MUC5B: variants seen among roughly 807,000 people sequenced by gnomAD.
The protein encoded by MUC5B is mucin-5B.
MUC5B carries 116 observed loss-of-function variants against 376.9 expected under a neutral mutation model. The observed-to-expected ratio is 0.31, with a 90% CI of 0.26 to 0.36. The LOEUF (loss-of-function observed/expected upper bound fraction) is 0.36. MUC5B is among the 10% of genes least tolerant of loss of function. The pLI is 1.00. For synonymous variants in MUC5B, 3,517 were observed against 3,390.9 expected (o/e 1.04, Z -1.29); for missense variants, 7,165 against 7,769.9 (o/e 0.92, Z 2.93).
At position 1,256,748 on chromosome 11, in the gene MUC5B, T is replaced by A. The variant is rs759193130; in HGVS notation, c.16214T>A (p.Met5405Lys). 4 of 1,544,156 alleles carry A rather than the reference T, an allele frequency of 2.6e-6. No individual in the cohort carries two copies. The highest frequency in any genetic ancestry group is 2.5e-5 in the East Asian group (1 of 40,438). ...PEDQILFNAH[M>K]GICVQACPCV... ...GACCAGATCCTCTTCAACGCACACA[T>A]GGGCATCTGCGTGCAGGCCTGCCGT... The change falls in exon 39 of 49, where the codon ATG (methionine) becomes AAG (lysine). Residue 5405 changes from methionine to lysine, a missense_variant. Physicochemically the swap from Met to Lys is moderately conservative, Grantham distance 95. Coordinates refer to ENST00000529681, the MANE Select transcript of MUC5B (RefSeq NM_002458.3).
chr11:1,225,728 A>G lies in MUC5B; in HGVS notation c.118A>G (p.Met40Val). Residue 40 changes from methionine (M) to valine (V), a missense_variant, in exon 2 of 49, where the codon ATG (methionine) becomes GTG (valine). Around this residue, in one of 31 missense-constraint regions of MUC5B, gnomAD observed 640 missense variants for 733.0 expected, o/e 0.87. Coordinates refer to ENST00000529681, the MANE Select transcript of MUC5B (RefSeq NM_002458.3). ...GAGCTGGGAGAATGCAGGGCACACCATGGATGGCGGTATGTGGCCAGGTTC... is the reference window on the plus strand; with the variant it reads ...GAGCTGGGAGAATGCAGGGCACACCGTGGATGGCGGTATGTGGCCAGGTTC... ...EPSWENAGHT[M>V]DGGAPTSSPT... The G allele has an allele frequency of 6.2e-7, 1 of 1,605,124 alleles. No individual in the cohort carries two copies. Among genetic ancestry groups the G allele is most frequent in the Non-Finnish European group, 8.5e-7 (1 of 1,176,306 alleles).
chr11:1,226,965 G>T (rs1209317747), intron 4 of MUC5B, 66 bp from the exon 5 acceptor site: 7 of 1,570,260 alleles, frequency 4.5e-6, no homozygotes, highest in Admixed American at 3.5e-5. Context: ...CCAGGGCTGG[G>T]GGGGGGTTGG....
chr11:1,230,910 G>C, intron 12 of MUC5B, 26 bp from the exon 13 acceptor site: 2 of 1,566,902 alleles, frequency 1.3e-6, no homozygotes, highest in Non-Finnish European at 1.7e-6. Flanking sequence ...CCCCAGAGCT[G>C]ACCTCCCGCC....
At chr11:1,238,187 C>T (rs1329899419) in intron 25 of MUC5B, among the ~76,000 whole-genome samples, 1 of 152,236 alleles carries the variant, frequency 6.6e-6, no homozygotes, top group Non-Finnish European at 1.5e-5. Context: ...GACGCATTCA[C>T]AGCTCAGCTC....
Position 1,252,372 on chromosome 11 carries a change from G to C in MUC5B, c.14893G>C (p.Ala4965Pro). 8 of 1,583,508 alleles carry C rather than the reference G, an allele frequency of 5.1e-6. No homozygotes were observed. Among genetic ancestry groups the C allele is most frequent in the Non-Finnish European group, 6.9e-6 (8 of 1,164,926 alleles). The change falls in exon 32 of 49, where the codon GCC becomes CCC. Residue 4965 changes from alanine (A) to proline (P), a missense_variant. Transcript: ENST00000529681. ...GEVIYNKTDR[A>P]GCHFYAVCNQ... The stretch of plus-strand genomic sequence containing the variant: ...AGTCATCTACAATAAGACCGACCGA[G>C]CCGGCTGCCATTTCTACGCAGTGTG...
At chr11:1,254,438 C>G in intron 34 of MUC5B, 87 bp downstream of exon 34, 1 of 1,529,830 alleles carries the variant, frequency 6.5e-7, no homozygotes, top group East Asian at 2.3e-5. Flanking sequence ...GACCCAGGTG[C>G]CGCAGCGATG....
chr11:1,259,127 G>GCACCTGCCCCCAGGTGAGACCTGAGT, intron 44 of MUC5B, 66 bp downstream of exon 44: 1 of 1,405,774 alleles, frequency 7.1e-7, no homozygotes. Context: ...GAGACCCGAG[G>GCACCTGCCCCCAGGTGAGACCTGAGT]CACCTGCCCC....
rs1400749350 is a variant in MUC5B, at chr11:1,244,387, C to G, written c.7507C>G (p.Pro2503Ala). ...ACATGTGAGCACCACGGCCACGACA[C>G]CCACAGTCACCAGCTCCAAAGCCAC... is the stretch of plus-strand genomic sequence containing the variant. ...TPHVSTTATTPTVTSSKATPF... is the reference protein window; with the variant it reads ...TPHVSTTATTATVTSSKATPF... Residue 2503 changes from proline to alanine, a missense_variant, in exon 31 of 49, where the codon CCC becomes GCC. Around this residue, in one of 31 missense-constraint regions of MUC5B, gnomAD observed 194 missense variants for 268.5 expected, o/e 0.72. Coordinates refer to ENST00000529681, the MANE Select transcript of MUC5B (RefSeq NM_002458.3). 2 of 1,595,214 alleles carry G rather than the reference C, an allele frequency of 1.3e-6. No homozygotes were observed. The highest frequency in any genetic ancestry group is 1.4e-5 in the African/African-American group (1 of 73,934).
chr11:1,226,476 T>C (rs1406087249), intron 3 of MUC5B, 139 bp from the exon 4 acceptor site: 3 of 1,339,894 alleles, frequency 2.2e-6, no homozygotes, highest in Non-Finnish European at 2.0e-6. Context: ...ACAGACGCAG[T>C]CCAGGGTGAG....
chr11:1,256,644 C>G, intron 38 of MUC5B, 27 bp from the exon 39 acceptor site: 2 of 1,535,934 alleles, frequency 1.3e-6, no homozygotes, highest in Admixed American at 2.1e-5. Context: ...ATCTCTAGGT[C>G]TCAGGGCCTC....
chr11:1,228,687 G>A lies in MUC5B; in HGVS notation c.898G>A (p.Ala300Thr), dbSNP rs968238663. ...GTGCCGCTGCCCCACCTGCCCGTGT[G>A]CCACCTTTGTGGAATACTCACGCCA... is the stretch of plus-strand genomic sequence containing the variant. ...DLCRCPTCPCATFVEYSRQCA... is the reference protein window; with the variant it reads ...DLCRCPTCPCTTFVEYSRQCA... The change falls in exon 8 of 49, where the codon GCC (alanine) becomes ACC (threonine). Residue 300 changes from alanine (A) to threonine (T), a missense_variant. Around this residue, in one of 31 missense-constraint regions of MUC5B, gnomAD observed 640 missense variants for 733.0 expected, o/e 0.87. Transcript: ENST00000529681. 3.3e-6 allele frequency: 5 copies of A among 1,534,564 alleles called. No individual in the cohort carries two copies. The highest frequency in any genetic ancestry group is 2.4e-5 in the East Asian group (1 of 40,888).
rs745579666 is a variant in MUC5B at position 1,246,645 on chromosome 11, C to T, written c.9765C>T (p.Thr3255=). ...LGTAWTRLSQ[T]TTPTATMSTA... The stretch of plus-strand genomic sequence containing the variant: ...CCGCCTGGACCCGCCTATCACAGAC[C>T]ACCACACCCACGGCCACCATGTCCA... The change falls in exon 31 of 49, where the codon ACC becomes ACT. Residue 3255 remains threonine (T), a synonymous_variant. Transcript: ENST00000529681. 9 of 1,612,640 alleles carry T rather than the reference C, an allele frequency of 5.6e-6. No homozygotes were observed. In the African/African-American group the frequency reaches 8.0e-5, roughly 14 times the overall value.
chr11:1,236,089 C>T (rs1472842476), intron 23 of MUC5B, among the ~76,000 whole-genome samples: 2 of 152,110 alleles, frequency 1.3e-5, no homozygotes, highest in Non-Finnish European at 2.9e-5. Context: ...GGTGTGAGGG[C>T]GTGGGGGCTG....
At position 1,261,928 on chromosome 11, in the gene MUC5B, G is replaced by A; in HGVS notation, c.*320G>A. ...TGCGGGCCTATGTGTCCCTGCCACG[G>A]CCGGAGCGCCCGCGCAGCACGGATT... On this transcript the variant is annotated 3_prime_UTR_variant, in exon 49 of 49. Coordinates refer to ENST00000529681, the MANE Select transcript of MUC5B (RefSeq NM_002458.3). 2 of 564,936 alleles carry A rather than the reference G, an allele frequency of 3.5e-6. No homozygotes were observed. Among genetic ancestry groups the A allele is most frequent in the Non-Finnish European group, 6.8e-6 (2 of 294,798 alleles). The allele number at this position is 564,936 out of a possible 1,614,324, so 35.0% of individuals were successfully genotyped here.
rs762507677 is a variant in MUC5B at position 1,244,643 on chromosome 11, G to A, written c.7763G>A (p.Gly2588Glu). The A allele has an allele frequency of 6.2e-7, 1 of 1,607,678 alleles. No individual in the cohort carries two copies. The highest frequency in any genetic ancestry group is 8.5e-7 in the Non-Finnish European group (1 of 1,178,032). ...TVLTTTATTT[G>E]ATGSVATPSS... Reference sequence around the variant, plus strand: ...CTTACCACCACGGCCACCACAACCGGGGCCACCGGCTCTGTGGCCACCCCC... The same window carrying A: ...CTTACCACCACGGCCACCACAACCGAGGCCACCGGCTCTGTGGCCACCCCC... Residue 2588 changes from glycine (G) to glutamate (E), a missense_variant, in exon 31 of 49, where the codon GGG (glycine) becomes GAG (glutamate). Around this residue, in one of 31 missense-constraint regions of MUC5B, gnomAD observed 194 missense variants for 268.5 expected, o/e 0.72. Transcript: ENST00000529681.
Position 1,259,793 on chromosome 11 carries a change from G to C in MUC5B, c.16751G>C (p.Gly5584Ala). 6.2e-7 allele frequency: 1 copy of C among 1,612,440 alleles called. No homozygotes were observed. Among genetic ancestry groups the C allele is most frequent in the Non-Finnish European group, 8.5e-7 (1 of 1,179,692 alleles). ...EYKRVAGQCC[G>A]ECVQTACLTP... Reference sequence around the variant, plus strand: ...AAGAGAGTGGCCGGGCAGTGCTGTGGGGAGTGCGTCCAGACCGCCTGCCTC... The same window carrying C: ...AAGAGAGTGGCCGGGCAGTGCTGTGCGGAGTGCGTCCAGACCGCCTGCCTC... Residue 5584 changes from glycine (G) to alanine (A), a missense_variant, in exon 45 of 49, where the codon GGG (glycine) becomes GCG (alanine). Coordinates refer to ENST00000529681, the MANE Select transcript of MUC5B (RefSeq NM_002458.3).
Position 1,247,400 on chromosome 11 carries a change from C to T in MUC5B, c.10520C>T (p.Pro3507Leu). ...ATTSTTQHSTPALSSPHPSSR... is the reference protein window; with the variant it reads ...ATTSTTQHSTLALSSPHPSSR... ...ACCAGTACCACCCAGCACTCGACTC[C>T]AGCCCTGTCCAGCCCTCACCCTAGC... Residue 3507 changes from proline to leucine, a missense_variant, in exon 31 of 49, where the codon CCA becomes CTA. By Grantham distance (98) the Pro-to-Leu change is moderately conservative (BLOSUM62 -3). This residue lies in a region of MUC5B where 939 missense variants were observed against 770.6 expected (regional missense o/e 1.22). Coordinates refer to ENST00000529681, the MANE Select transcript of MUC5B (RefSeq NM_002458.3). The T allele has an allele frequency of 6.2e-7, 1 of 1,609,942 alleles. No individual in the cohort carries two copies. Among genetic ancestry groups the T allele is most frequent in the Non-Finnish European group, 8.5e-7 (1 of 1,178,926 alleles).
At position 1,247,176 on chromosome 11, in the gene MUC5B, A is replaced by T. The variant is rs372991453; in HGVS notation, c.10296A>T (p.Thr3432=). The change falls in exon 31 of 49, where the codon ACA becomes ACT. Residue 3432 remains threonine, a synonymous_variant. Coordinates refer to ENST00000529681, the MANE Select transcript of MUC5B (RefSeq NM_002458.3). Reference sequence around the variant, plus strand: ...CCACACCTGCAGCCACCAGCAGCACAGTGACTCCCTCCTCTGCCCTAGGGA... The same window carrying T: ...CCACACCTGCAGCCACCAGCAGCACTGTGACTCCCTCCTCTGCCCTAGGGA... ...TATTPAATSS[T]VTPSSALGTT... 1.2e-5 allele frequency: 18 copies of T among 1,549,946 alleles called. No individual in the cohort carries two copies. The African/African-American group carries it at 2.5e-4, about 21-fold the overall frequency.
In MUC5B at chr11:1,236,904, ACT is replaced by A; in HGVS notation, c.3058-15_3058-14del. ...CCTGTGGCCCCAGCTCCAGGGCCCC[ACT>A]CTCTCGCTGCCTCTGCAGGGCAGGG... On this transcript the variant is annotated intron_variant, in intron 24 of 48. Coordinates refer to ENST00000529681, the MANE Select transcript of MUC5B (RefSeq NM_002458.3). The A allele has an allele frequency of 7.1e-7, 1 of 1,407,966 alleles. No homozygotes were observed. The highest frequency in any genetic ancestry group is 9.3e-7 in the Non-Finnish European group (1 of 1,075,826). 87.2% of individuals were successfully genotyped at this position (1,407,966 alleles called of 1,614,324 possible). A position where few individuals can be genotyped will look rare whatever the true frequency, so the allele number is the denominator to read the frequency against.
Sources: gnomAD v4.1 joint callset for allele counts (sites outside exome capture counted in the v4.1 genomes callset) on GRCh38, gnomAD v4.1.1 for gene constraint, gnomAD v4.1.1 regional missense constraint, MANE v1.5 for transcripts, NCBI Gene and HGNC (gene_info 2026-07-23, HGNC 2026-07-21) for gene names.